Variants in XDH observed in about 807,000 individuals in gnomAD.
XDH encodes xanthine dehydrogenase/oxidase.
In XDH, 138 loss-of-function variants were observed where a neutral mutation model predicts 156.1. The observed-to-expected ratio is 0.88, with a 90% CI of 0.77 to 1.02. The LOEUF (loss-of-function observed/expected upper bound fraction) is 1.02, where lower values mean the gene tolerates loss of function less well. XDH is among the 50% of genes least tolerant of loss of function. The probability of loss-of-function intolerance (pLI) is 0.00; values close to 1 mark genes in which losing one functional copy is unlikely to be tolerated. For synonymous variants in XDH, 669 were observed against 625.7 expected (o/e 1.07, Z -1.03); for missense variants, 1,849 against 1,684.9 (o/e 1.10, Z -1.71).
chr2:31,379,438 G>A (rs112862538), intron 13 of XDH, among the ~76,000 whole-genome samples: 37 of 152,288 alleles, frequency 2.4e-4, no homozygotes, highest in East Asian at 1.7e-3. Context: ...AGGAATCCTC[G>A]ACAGCTAGAT....
intron 4 of XDH, among the ~76,000 whole-genome samples, chr2:31,400,341 C>T (rs1182425184): frequency 6.6e-6 from 1 of 151,376 alleles, no homozygotes; most frequent in African/African-American, 2.4e-5. Flanking sequence ...CAGGTTCACG[C>T]CATTCTCCTG....
intron 20 of XDH, 87 bp downstream of exon 20, chr2:31,367,874 C>T (rs752038828): frequency 1.9e-5 from 24 of 1,293,638 alleles, no homozygotes; most frequent in Non-Finnish European, 2.6e-5. Flanking sequence ...AAATCACTTC[C>T]CTGCTTCAGG....
intron 4 of XDH, among the ~76,000 whole-genome samples, chr2:31,398,929 A>G (rs1686986472): frequency 6.6e-6 from 1 of 152,172 alleles, no homozygotes; most frequent in Admixed American, 6.5e-5. Flanking sequence ...TTACCTCTAG[A>G]GCTGCGATGA....
At chr2:31,348,138 T>A (rs2148755010) in intron 28 of XDH, 130 bp downstream of exon 28, 1 of 916,354 alleles carries the variant, frequency 1.1e-6, no homozygotes, top group African/African-American at 1.6e-5. Flanking sequence ...TGCCCGAGGC[T>A]ACACGGACAT....
rs748142445 is a variant in XDH, at chr2:31,350,117, C to T, written c.2738G>A (p.Arg913Gln). ...KTNLPSNTAF[R>Q]GFGGPQGMLI... is the part of the protein sequence containing the mutation. ...CATCCCCTGGGGCCCCCCAAAGCCCCGGAAGGCCGTGTTGGAGGGAAGGTT... is the reference window on the plus strand; with the variant it reads ...CATCCCCTGGGGCCCCCCAAAGCCCTGGAAGGCCGTGTTGGAGGGAAGGTT... Residue 913 changes from arginine (R) to glutamine (Q), a missense_variant, in exon 25 of 36, where the codon CGG becomes CAG. By Grantham distance (43) the Arg-to-Gln change is conservative. Coordinates refer to ENST00000379416, the MANE Select transcript of XDH (RefSeq NM_000379.4). The T allele has an allele frequency of 3.7e-6, 6 of 1,614,224 alleles. No homozygotes were observed. The highest frequency in any genetic ancestry group is 2.2e-5 in the South Asian group (2 of 91,088).
chr2:31,380,022 G>A (rs753955559), intron 12 of XDH, 46 bp from the exon 13 acceptor site: 3 of 1,584,562 alleles, frequency 1.9e-6, no homozygotes, highest in South Asian at 2.2e-5. Flanking sequence ...GGGAAAGGCT[G>A]GGAACCCCCC....
At chr2:31,398,482 T>G (rs1686970865) in intron 5 of XDH, 91 bp downstream of exon 5, 1 of 1,601,370 alleles carries the variant, frequency 6.2e-7, no homozygotes, top group Non-Finnish European at 8.5e-7. Context: ...CAAAGGGTAG[T>G]CCCTCATGCT....
intron 1 of XDH, among the ~76,000 whole-genome samples, chr2:31,412,939 T>C (rs545022243): frequency 1.2e-4 from 18 of 152,316 alleles, no homozygotes; most frequent in Non-Finnish European, 2.4e-4. Flanking sequence ...TAATAGGATT[T>C]GATGTGATGG....
At chr2:31,379,841 GC>G (rs761057488) in intron 13 of XDH, 25 bp downstream of exon 13, 2 of 1,608,460 alleles carry the variant, frequency 1.2e-6, no homozygotes, top group Non-Finnish European at 1.7e-6. Context: ...TTTGAGCAGA[GC>G]CTGGAACCAC....
chr2:31,366,697 G>A (rs1172857003), intron 21 of XDH, among the ~76,000 whole-genome samples, 173 bp downstream of exon 21: 1 of 152,242 alleles, frequency 6.6e-6, no homozygotes, highest in Non-Finnish European at 1.5e-5. Flanking sequence ...TATGGAACAA[G>A]GTCAGTGATA....
chr2:31,406,613 C>T lies in XDH; in HGVS notation c.43-649G>A, dbSNP rs45514296. 4.3e-3 allele frequency among the ~76,000 whole-genome samples: 660 copies of T among 152,286 alleles called. 4 individuals are homozygous for T. The highest frequency in any genetic ancestry group is 0.015 in the African/African-American group (631 of 41,546). On this transcript the variant is annotated intron_variant, in intron 1 of 35. Coordinates refer to ENST00000379416, the MANE Select transcript of XDH (RefSeq NM_000379.4). ...TGTACCTCAATGCTCACCTTGGGACCCACCACAGAACATGCAGGCATTGCA... is the reference window on the plus strand; with the variant it reads ...TGTACCTCAATGCTCACCTTGGGACTCACCACAGAACATGCAGGCATTGCA...
intron 6 of XDH, among the ~76,000 whole-genome samples, chr2:31,388,748 C>A (rs927454690): frequency 1.3e-5 from 2 of 152,160 alleles, no homozygotes; most frequent in African/African-American, 2.4e-5. Flanking sequence ...CAGGACCCTG[C>A]CAAAGGATGT....
At chr2:31,397,063 G>A (rs1247173030) in intron 6 of XDH, among the ~76,000 whole-genome samples, 2 of 152,220 alleles carry the variant, frequency 1.3e-5, no homozygotes, top group Non-Finnish European at 2.9e-5. Context: ...ATTAAGCCAA[G>A]AAAGGAGATG....
intron 30 of XDH, among the ~76,000 whole-genome samples, 197 bp downstream of exon 30, chr2:31,346,572 T>A (rs551762107): frequency 6.6e-6 from 1 of 152,134 alleles, no homozygotes; most frequent in Non-Finnish European, 1.5e-5. Context: ...CCTCCCTCAA[T>A]GATGAAAGCT....
chr2:31,371,441 C>G (rs1686070093), intron 17 of XDH, among the ~76,000 whole-genome samples: 1 of 152,196 alleles, frequency 6.6e-6, no homozygotes, highest in African/African-American at 2.4e-5. Flanking sequence ...GAGGGTTAAG[C>G]TCTGTCCTGC....
chr2:31,402,216 T>C (rs1027502896), intron 3 of XDH, among the ~76,000 whole-genome samples: 13 of 152,184 alleles, frequency 8.5e-5, no homozygotes, highest in Non-Finnish European at 8.8e-5. Flanking sequence ...CTTATAACTA[T>C]AGTACTAGGG....
chr2:31,368,791 G>T (rs1038416394), intron 18 of XDH, 131 bp from the exon 19 acceptor site: 2 of 1,538,184 alleles, frequency 1.3e-6, no homozygotes, highest in African/African-American at 1.4e-5. Flanking sequence ...ATGCCCTAGG[G>T]CCTCTTAATT....
intron 15 of XDH, among the ~76,000 whole-genome samples, chr2:31,374,774 G>A (rs1027269178): frequency 9.2e-5 from 14 of 151,890 alleles, no homozygotes; most frequent in Non-Finnish European, 1.3e-4. Context: ...TGTTCTCCCC[G>A]ACACTGAGCT....
chr2:31,343,310 A>ATATATGCATGTT (rs1553411676), intron 31 of XDH, among the ~76,000 whole-genome samples: 102 of 102,188 alleles, frequency 1.0e-3, no homozygotes, highest in Admixed American at 2.1e-3. Context: ...ATATATATAT[A>ATATATGCATGTT]TATATATATA....
Sources: gnomAD v4.1 joint callset for allele counts (sites outside exome capture counted in the v4.1 genomes callset) on GRCh38, gnomAD v4.1.1 for gene constraint, MANE v1.5 for transcripts, NCBI Gene and HGNC (gene_info 2026-07-23, HGNC 2026-07-21) for gene names.